Variants in DPM1 observed in about 807,000 individuals in gnomAD.
DPM1 encodes dolichol-phosphate mannosyltransferase subunit 1.
Under a neutral mutation model 39.0 loss-of-function variants are expected in DPM1, and 27 were observed. The ratio of observed to expected loss-of-function variants is 0.69; its 90% CI spans 0.51 to 0.95. The LOEUF (loss-of-function observed/expected upper bound fraction) is 0.95. Among genes scored for constraint, DPM1 ranks in the 40% least tolerant of loss-of-function variants. DPM1 has a pLI of 0.00. For missense variants in DPM1, 307 were observed against 315.6 expected (o/e 0.97, Z 0.21); for synonymous variants, 124 against 109.0 (o/e 1.14, Z -0.86).
intron 5 of DPM1, 46 bp downstream of exon 5, chr20:50,945,687 GATAA>G: frequency 6.9e-7 from 1 of 1,448,502 alleles, no homozygotes. Context: ...AAACCAGTAA[GATAA>G]ATGTTTCCAG....
At chr20:50,942,896 G>T (rs1985967733) in intron 5 of DPM1, among the ~76,000 whole-genome samples, 2 of 152,104 alleles carry the variant, frequency 1.3e-5, no homozygotes. Flanking sequence ...CATATCATGG[G>T]GTCAGATGTG....
chr20:50,944,089 A>C (rs2034849510), intron 5 of DPM1, among the ~76,000 whole-genome samples: 1 of 152,168 alleles, frequency 6.6e-6, no homozygotes, highest in African/African-American at 2.4e-5. Context: ...ATTTGAACAC[A>C]TATTTTCCAA....
intron 5 of DPM1, among the ~76,000 whole-genome samples, chr20:50,942,751 G>C (rs1374941233): frequency 6.6e-6 from 1 of 152,182 alleles, no homozygotes; most frequent in South Asian, 2.1e-4. Flanking sequence ...AAAACAGCCT[G>C]ATGTCCTGCC....
intron 6 of DPM1, chr20:50,941,227 A>AATACATACATATATAT (rs1985713337): frequency 3.3e-5 from 2 of 60,784 alleles, no homozygotes; most frequent in African/African-American, 1.7e-4. Context: ...AAAAAAAGTG[A>AATACATACATATATAT]ATATATATAT....
At chr20:50,953,852 A>G (rs73909847) in intron 2 of DPM1, among the ~76,000 whole-genome samples, 2,717 of 152,330 alleles carry the variant, frequency 0.018, 83 homozygotes, top group African/African-American at 0.062. Flanking sequence ...CTGGGCTTCT[A>G]AAGAAAACAG....
chr20:50,938,823 T>C (rs1175328727), intron 7 of DPM1, among the ~76,000 whole-genome samples: 1 of 150,902 alleles, frequency 6.6e-6, no homozygotes, highest in East Asian at 2.0e-4. Flanking sequence ...CTACTAAAAA[T>C]ACAAAATTAG....
intron 7 of DPM1, among the ~76,000 whole-genome samples, chr20:50,938,045 C>T (rs1985365963): frequency 1.3e-5 from 2 of 152,048 alleles, no homozygotes; most frequent in Non-Finnish European, 2.9e-5. Flanking sequence ...GCTTTATTCC[C>T]CTTAAGAATC....
chr20:50,942,511 A>AG (rs1985930353), intron 5 of DPM1, among the ~76,000 whole-genome samples: 2 of 151,816 alleles, frequency 1.3e-5, no homozygotes, highest in African/African-American at 2.4e-5. Flanking sequence ...CTCAAAAAAA[A>AG]AAAAAAAATT....
chr20:50,941,509 C>T (rs958341675), intron 6 of DPM1, among the ~76,000 whole-genome samples: 1 of 150,410 alleles, frequency 6.6e-6, no homozygotes, highest in Non-Finnish European at 1.5e-5. Flanking sequence ...CTCAGGAGTT[C>T]GAGGGCAACC....
chr20:50,941,213 C>CA lies in DPM1; in HGVS notation c.495-281dup, dbSNP rs763579331. ...GCAACATGGCAAAACTCCATCACTACAAAAAAAAAAGTGAATATATATATA... is the reference window on the plus strand; with the variant it reads ...GCAACATGGCAAAACTCCATCACTACAAAAAAAAAAAGTGAATATATATATA... On this transcript the variant is annotated intron_variant, in intron 6 of 8. Transcript: ENST00000371588. 874 of 95,982 alleles carry CA rather than the reference C, an allele frequency of 9.1e-3. No individual in the cohort carries two copies. The highest frequency in any genetic ancestry group is 0.011 in the Admixed American group (55 of 5,046). 5.9% of individuals were successfully genotyped at this position (95,982 alleles called of 1,614,324 possible). A position where few individuals can be genotyped will look rare whatever the true frequency, so the allele number is the denominator to read the frequency against.
At chr20:50,942,804 C>T (rs1324190787) in intron 5 of DPM1, among the ~76,000 whole-genome samples, 1 of 152,134 alleles carries the variant, frequency 6.6e-6, no homozygotes, top group Non-Finnish European at 1.5e-5. Context: ...AAACATACAC[C>T]CCTAGGATTT....
Position 50,935,244 on chromosome 20 carries a change from A to T in DPM1, c.679-8T>A, listed in dbSNP as rs764913742. On this transcript the variant is annotated splice_polypyrimidine_tract_variant and splice_region_variant and intron_variant, in intron 8 of 8. Transcript: ENST00000371588. ...CACAAATGATATTGGAACCTAGTTT[A>T]AAAAAAAAAAAGTAACGTTAGTCTT... 5.9e-5 allele frequency: 43 copies of T among 723,792 alleles called. No homozygotes were observed. The highest frequency in any genetic ancestry group is 5.8e-4 in the South Asian group (21 of 36,360). The allele number at this position is 723,792 out of a possible 1,614,324, so 44.8% of individuals were successfully genotyped here.
At chr20:50,940,714 G>C in intron 7 of DPM1, 151 bp downstream of exon 7, 1 of 694,288 alleles carries the variant, frequency 1.4e-6, no homozygotes, top group Non-Finnish European at 2.5e-6. Flanking sequence ...AGATGTTTAG[G>C]CTTCATTAGC....
chr20:50,950,843 T>C (rs1452717853), intron 2 of DPM1, among the ~76,000 whole-genome samples: 2 of 152,072 alleles, frequency 1.3e-5, no homozygotes, highest in African/African-American at 4.8e-5. Flanking sequence ...CACTCCAGCC[T>C]CAGTGACACA....
At chr20:50,941,072 C>A in intron 6 of DPM1, 139 bp from the exon 7 acceptor site, 1 of 995,576 alleles carries the variant, frequency 1.0e-6, no homozygotes, top group South Asian at 1.5e-5. Flanking sequence ...TTATCTAGAA[C>A]AAAATAGAAA....
At chr20:50,942,927 C>T (rs1233411423) in intron 5 of DPM1, among the ~76,000 whole-genome samples, 1 of 152,096 alleles carries the variant, frequency 6.6e-6, no homozygotes, top group Non-Finnish European at 1.5e-5. Flanking sequence ...CCTGTAATCC[C>T]AGCACTTTGG....
At position 50,958,502 on chromosome 20, in the gene DPM1, G is replaced by T. The variant is rs201392536; in HGVS notation, c.22C>A (p.Arg8Ser). 1.3e-5 allele frequency: 21 copies of T among 1,613,768 alleles called. No homozygotes were observed. The highest frequency in any genetic ancestry group is 2.2e-5 in the East Asian group (1 of 44,852). Residue 8 changes from arginine to serine, a missense_variant, in exon 1 of 9, where the codon CGT (arginine) becomes AGT (serine). This residue lies in a region of DPM1 where 206 missense variants were observed against 188.2 expected (regional missense o/e 1.09). Coordinates refer to ENST00000371588, the MANE Select transcript of DPM1 (RefSeq NM_003859.3). Reference protein sequence around the residue: MASLEVSRSPRRSRRELE... With the variant: MASLEVSSSPRRSRRELE... ...TCCCGCCGAGACCTGCGAGGACTAC[G>T]ACTGACTTCCAAGGAGGCCATGGCG...
At chr20:50,950,962 G>A (rs1312435353) in intron 2 of DPM1, among the ~76,000 whole-genome samples, 1 of 152,186 alleles carries the variant, frequency 6.6e-6, no homozygotes, top group Non-Finnish European at 1.5e-5. Flanking sequence ...ACCCCCAGGA[G>A]ATGCCTGAAA....
At chr20:50,952,539 A>T (rs1986632765) in intron 2 of DPM1, among the ~76,000 whole-genome samples, 1 of 152,206 alleles carries the variant, frequency 6.6e-6, no homozygotes, top group Non-Finnish European at 1.5e-5. Flanking sequence ...AAATAAAAAT[A>T]AATCTTCAGC....
Sources: allele counts gnomAD v4.1 joint callset (sites outside exome capture counted in the v4.1 genomes callset), GRCh38; gene constraint gnomAD v4.1.1; regional missense constraint gnomAD v4.1.1; transcripts MANE v1.5; gene names NCBI Gene and HGNC (gene_info 2026-07-23, HGNC 2026-07-21).